RPS6KA5: variants seen among roughly 807,000 people sequenced by gnomAD.
RPS6KA5 encodes ribosomal protein S6 kinase alpha-5.
In RPS6KA5, 27 loss-of-function variants were observed where a neutral mutation model predicts 85.5. The observed-to-expected ratio is 0.32, with a 90% CI of 0.23 to 0.44. RPS6KA5 has a LOEUF of 0.44. RPS6KA5 is among the 20% of genes least tolerant of loss of function. RPS6KA5 has a pLI of 1.00. For synonymous variants in RPS6KA5, 334 were observed against 348.2 expected, an observed-to-expected ratio of 0.96 and a Z score of 0.46; for missense variants, 811 against 980.9, an observed-to-expected ratio of 0.83 and a Z score of 2.31.
rs1215905328 is a variant in RPS6KA5 at position 90,868,751 on chromosome 14, AAAG to A, written c.*3320_*3322del. On this transcript the variant is annotated 3_prime_UTR_variant, in exon 17 of 17. Coordinates refer to ENST00000614987, the MANE Select transcript of RPS6KA5 (RefSeq NM_004755.4). ...TATCCAGTCAATTGTATACTTTTAT[AAAG>A]TAGTGTATTTGAGAACATAAACTGA... 6.6e-6 allele frequency: 1 copy of A among 152,212 alleles called. No homozygotes were observed. Among genetic ancestry groups the A allele is most frequent in the Non-Finnish European group, 1.5e-5 (1 of 68,024 alleles). 9.4% of individuals were successfully genotyped at this position (152,212 alleles called of 1,614,324 possible).
Position 91,032,026 on chromosome 14 carries a change from C to T in RPS6KA5, c.103+28306G>A, listed in dbSNP as rs566586141. Among the ~76,000 whole-genome samples the T allele has an allele frequency of 2.2e-4, 34 of 152,186 alleles. 1 individual carries two copies. The Middle Eastern group carries it at 0.014, about 61-fold the overall frequency. On this transcript the variant is annotated intron_variant, in intron 1 of 16. Transcript: ENST00000614987. ...AAGAATATTTATTGAGTACTCTTTGCGGGCGACATTATAGGCAGGTCCACT... is the reference window on the plus strand; with the variant it reads ...AAGAATATTTATTGAGTACTCTTTGTGGGCGACATTATAGGCAGGTCCACT...
intron 3 of RPS6KA5, among the ~76,000 whole-genome samples, chr14:90,964,728 A>G (rs1023662046): frequency 2.6e-5 from 4 of 152,026 alleles, no homozygotes; most frequent in Admixed American, 2.6e-4. Flanking sequence ...AGCCTGGGCA[A>G]CATAGTGAGG....
At chr14:91,038,961 G>GC (rs1426243196) in intron 1 of RPS6KA5, among the ~76,000 whole-genome samples, 1 of 152,152 alleles carries the variant, frequency 6.6e-6, no homozygotes, top group African/African-American at 2.4e-5. Flanking sequence ...TCCAAATGCT[G>GC]CCATAGGCCC....
chr14:90,920,091 C>T, intron 7 of RPS6KA5, 115 bp downstream of exon 7: 1 of 750,022 alleles, frequency 1.3e-6, no homozygotes, highest in Non-Finnish European at 2.4e-6. Context: ...ACCACATAAA[C>T]ATCACTTTGT....
At chr14:90,991,039 GA>G (rs1234318808) in intron 2 of RPS6KA5, among the ~76,000 whole-genome samples, 1 of 151,868 alleles carries the variant, frequency 6.6e-6, no homozygotes, top group Non-Finnish European at 1.5e-5. Flanking sequence ...AAAAGTTGGG[GA>G]AAAAAATAGA....
intron 2 of RPS6KA5, among the ~76,000 whole-genome samples, chr14:90,983,787 T>TTCTC (rs770148887): frequency 0.016 from 2,024 of 129,322 alleles, 35 homozygotes; most frequent in African/African-American, 0.033. Flanking sequence ...CTTTCTTTCT[T>TTCTC]TCTCTCTCTC....
intron 5 of RPS6KA5, among the ~76,000 whole-genome samples, chr14:90,935,882 C>T (rs977790525): frequency 1.1e-4 from 17 of 152,188 alleles, no homozygotes; most frequent in Non-Finnish European, 2.4e-4. Context: ...AGCATAAACA[C>T]GTGTCCTTTT....
intron 1 of RPS6KA5, among the ~76,000 whole-genome samples, chr14:91,058,609 G>A (rs2043431616): frequency 2.0e-5 from 3 of 152,180 alleles, no homozygotes; most frequent in Non-Finnish European, 4.4e-5. Context: ...ACACCAGAAA[G>A]CACCTGACAC....
chr14:90,991,094 G>A (rs2040288566), intron 2 of RPS6KA5, among the ~76,000 whole-genome samples: 1 of 151,900 alleles, frequency 6.6e-6, no homozygotes, highest in Admixed American at 6.6e-5. Flanking sequence ...AAAAGACAGG[G>A]GAAACTGAAA....
At chr14:90,950,436 A>C (rs935623815) in intron 3 of RPS6KA5, among the ~76,000 whole-genome samples, 10 of 152,170 alleles carry the variant, frequency 6.6e-5, no homozygotes, top group Non-Finnish European at 1.0e-4. Context: ...ATGTTGAATA[A>C]AGTGGGAAAG....
At chr14:91,026,775 A>C (rs565105563) in intron 1 of RPS6KA5, among the ~76,000 whole-genome samples, 1 of 152,330 alleles carries the variant, frequency 6.6e-6, no homozygotes, top group South Asian at 2.1e-4. Context: ...TTTTCTGTAC[A>C]GCCTCACCAG....
At chr14:90,937,089 A>T (rs2037299693) in intron 5 of RPS6KA5, among the ~76,000 whole-genome samples, 1 of 152,076 alleles carries the variant, frequency 6.6e-6, no homozygotes, top group Admixed American at 6.5e-5. Flanking sequence ...CCTCAGGTAG[A>T]AGAGGAAGAG....
Position 90,866,572 on chromosome 14 carries a change from C to G in RPS6KA5, c.*5502G>C, listed in dbSNP as rs1260983222. ...TCATCTTTTTTAATCTTCCATTTAC[C>G]TTTTAGTAAGACAAATTCTTATCTT... On this transcript the variant is annotated 3_prime_UTR_variant, in exon 17 of 17. Transcript: ENST00000614987. The G allele has an allele frequency of 1.3e-5, 2 of 152,136 alleles. No individual in the cohort carries two copies. Among genetic ancestry groups the G allele is most frequent in the Non-Finnish European group, 2.9e-5 (2 of 68,018 alleles). 9.4% of individuals were successfully genotyped at this position (152,136 alleles called of 1,614,324 possible).
chr14:90,886,762 G>C (rs1364830792), intron 14 of RPS6KA5, among the ~76,000 whole-genome samples: 1 of 152,170 alleles, frequency 6.6e-6, no homozygotes, highest in Non-Finnish European at 1.5e-5. Flanking sequence ...TGTTACAGCA[G>C]CCTAAGCAGA....
chr14:90,980,327 T>G (rs945544264), intron 2 of RPS6KA5, among the ~76,000 whole-genome samples: 28 of 152,186 alleles, frequency 1.8e-4, no homozygotes, highest in African/African-American at 6.3e-4. Flanking sequence ...TAAATTCTTG[T>G]TATCCCAGGT....
chr14:90,951,118 CAA>C lies in RPS6KA5; in HGVS notation c.395-3570_395-3569del, dbSNP rs57389099. ...TGGGCCACAGAGAGAGACTCAGTCT[CAA>C]AAAAAAAAAAAAAAAAGAGAGAGAG... On this transcript the variant is annotated intron_variant, in intron 3 of 16. Coordinates refer to ENST00000614987, the MANE Select transcript of RPS6KA5 (RefSeq NM_004755.4). Among the ~76,000 whole-genome samples, 573 of 84,518 alleles carry C rather than the reference CAA, an allele frequency of 6.8e-3. 7 individuals are homozygous for C. In the East Asian group the frequency reaches 0.087, roughly 13 times the overall value. The allele number at this position is 84,518 out of a possible 152,430, so 55.4% of individuals were successfully genotyped here.
At chr14:90,882,676 T>C (rs2140166165) in intron 14 of RPS6KA5, among the ~76,000 whole-genome samples, 1 of 152,312 alleles carries the variant, frequency 6.6e-6, no homozygotes, top group South Asian at 2.1e-4. Context: ...TTGACAGTTT[T>C]TTTTTTCCCT....
chr14:90,957,626 G>C (rs933565190), intron 3 of RPS6KA5, among the ~76,000 whole-genome samples: 1 of 152,118 alleles, frequency 6.6e-6, no homozygotes, highest in African/African-American at 2.4e-5. Context: ...ATGCTCTGGA[G>C]CATAAATTAC....
chr14:90,971,046 G>A (rs1012167532), intron 3 of RPS6KA5, among the ~76,000 whole-genome samples: 2 of 152,084 alleles, frequency 1.3e-5, no homozygotes, highest in African/African-American at 2.4e-5. Context: ...GGCCAGGCAC[G>A]GTGGCTCATG....
Sources: gnomAD v4.1 joint callset for allele counts (sites outside exome capture counted in the v4.1 genomes callset) on GRCh38, gnomAD v4.1.1 for gene constraint, MANE v1.5 for transcripts, NCBI Gene and HGNC (gene_info 2026-07-23, HGNC 2026-07-21) for gene names.